The following PRRC2B variants were observed in gnomAD, a reference collection of about 807,000 sequenced individuals.
PRRC2B encodes protein PRRC2B.
PRRC2B carries 68 observed loss-of-function variants against 242.3 expected under a neutral mutation model. That is an observed-to-expected ratio of 0.28 (90% CI 0.23 to 0.34). The LOEUF (loss-of-function observed/expected upper bound fraction) is 0.34, where lower values mean the gene tolerates loss of function less well. Among genes scored for constraint, PRRC2B ranks in the 10% least tolerant of loss-of-function variants. The pLI is 1.00. For synonymous variants in PRRC2B, 1,228 were observed against 1,173.6 expected (o/e 1.05, Z -0.95); for missense variants, 2,835 against 2,954.8 (o/e 0.96, Z 0.94).
Position 131,477,732 on chromosome 9 carries a change from T to C in PRRC2B, c.4407-12T>C, listed in dbSNP as rs1305853873. The C allele has an allele frequency of 3.8e-6, 6 of 1,563,374 alleles. No individual in the cohort carries two copies. In the African/African-American group the frequency reaches 5.4e-5, roughly 14 times the overall value. ...CCCAGCTCTGGTTAACAAGATCCTC[T>C]TTCCCTTACAGATCCCCAGACGAGG... On this transcript the variant is annotated splice_polypyrimidine_tract_variant and intron_variant, in intron 16 of 31. Transcript: ENST00000683519.
At chr9:131,465,657 G>A (rs1212399327) in intron 12 of PRRC2B, among the ~76,000 whole-genome samples, 2 of 152,144 alleles carry the variant, frequency 1.3e-5, no homozygotes, top group Non-Finnish European at 2.9e-5. Flanking sequence ...CTTTAACATG[G>A]AATAAAAATA....
intron 1 of PRRC2B, among the ~76,000 whole-genome samples, chr9:131,420,493 C>CTTTCTTTCTTTCTTTCTTTCTTTTTTTTT: frequency 3.3e-5 from 1 of 30,164 alleles, no homozygotes; most frequent in African/African-American, 1.1e-4. Context: ...TTCTTTCTTT[C>CTTTCTTTCTTTCTTTCTTTCTTTTTTTTT]TTTTTTTTTT....
At chr9:131,375,160 T>C (rs1364390500) in intron 1 of PRRC2B, among the ~76,000 whole-genome samples, 1 of 152,092 alleles carries the variant, frequency 6.6e-6, no homozygotes. Flanking sequence ...CCCAGCACTT[T>C]GGGAGGCCGA....
chr9:131,475,015 T>G lies in PRRC2B; in HGVS notation c.2886T>G (p.Ile962Met). Reference sequence around the variant, plus strand: ...ACAAGGAGAAGGAGCTTGAGAAGATTAAGCAGGAGCTAGGGGAGGAGAGTA... The same window carrying G: ...ACAAGGAGAAGGAGCTTGAGAAGATGAAGCAGGAGCTAGGGGAGGAGAGTA... ...VEDKEKELEK[I>M]KQELGEESTR... Residue 962 changes from isoleucine to methionine, a missense_variant, in exon 16 of 32, where the codon ATT (isoleucine) becomes ATG (methionine). Transcript: ENST00000683519. The G allele has an allele frequency of 6.2e-7, 1 of 1,605,202 alleles. No homozygotes were observed. The highest frequency in any genetic ancestry group is 8.5e-7 in the Non-Finnish European group (1 of 1,175,912).
At chr9:131,444,416 A>C in intron 6 of PRRC2B, 88 bp downstream of exon 6, 3 of 1,424,336 alleles carry the variant, frequency 2.1e-6, no homozygotes, top group East Asian at 2.5e-5. Flanking sequence ...TGCTGATGCC[A>C]CTGGGGTCTC....
chr9:131,484,942 C>T lies in PRRC2B; in HGVS notation c.5566-6C>T. On this transcript the variant is annotated splice_region_variant and splice_polypyrimidine_tract_variant and intron_variant, in intron 24 of 31. Transcript: ENST00000683519. Reference sequence around the variant, plus strand: ...TTCATCCCTCCCCCTCCCCTTGCTTCTGAAGATGGAGTCTGCGCGCAAGGC... The same window carrying T: ...TTCATCCCTCCCCCTCCCCTTGCTTTTGAAGATGGAGTCTGCGCGCAAGGC... 2.5e-6 allele frequency: 4 copies of T among 1,602,894 alleles called. No individual in the cohort carries two copies. The highest frequency in any genetic ancestry group is 3.4e-6 in the Non-Finnish European group (4 of 1,171,114).
chr9:131,494,325 C>A lies in PRRC2B; in HGVS notation c.6474-80C>A. On this transcript the variant is annotated intron_variant, in intron 30 of 31. Coordinates refer to ENST00000683519, the MANE Select transcript of PRRC2B (RefSeq NM_013318.4). The surrounding 1 kb of genome is among the most constrained non-coding windows in gnomAD (Gnocchi z 4.3). ...GCCGCAGGCCCTTCCTTCCTTGTGCCTCCTCCATGTGCTAGGCTTTGACTC... is the reference window on the plus strand; with the variant it reads ...GCCGCAGGCCCTTCCTTCCTTGTGCATCCTCCATGTGCTAGGCTTTGACTC... 1 of 751,468 alleles carries A rather than the reference C, an allele frequency of 1.3e-6. No homozygotes were observed. The highest frequency in any genetic ancestry group is 1.7e-5 in the South Asian group (1 of 59,798). 46.6% of individuals were successfully genotyped at this position (751,468 alleles called of 1,614,324 possible).
intron 5 of PRRC2B, among the ~76,000 whole-genome samples, chr9:131,442,210 A>G (rs528617441): frequency 2.5e-3 from 380 of 151,340 alleles, no homozygotes; most frequent in African/African-American, 8.6e-3. Context: ...TTGGCTCACT[A>G]TAGCTTCAGT....
rs1327286881 is a variant in PRRC2B, at chr9:131,467,738, G to C, written c.1896G>C (p.Gln632His). The change falls in exon 13 of 32, where the codon CAG (glutamine) becomes CAC (histidine). Residue 632 changes from glutamine (Q) to histidine (H), a missense_variant. Physicochemically the swap from Gln to His is conservative, Grantham distance 24. Transcript: ENST00000683519. ...KSLPPRFQRQ[Q>H]QQQQQEQLYK... ...TTCCTCCCCGATTCCAGCGCCAGCA[G>C]CAGCAACAACAGCAGGTAAACAGAT... The C allele has an allele frequency of 2.5e-6, 4 of 1,613,844 alleles. No individual in the cohort carries two copies. In the African/African-American group the frequency reaches 4.0e-5, roughly 16 times the overall value.
At chr9:131,425,568 A>G (rs1837955201) in intron 1 of PRRC2B, among the ~76,000 whole-genome samples, 1 of 151,720 alleles carries the variant, frequency 6.6e-6, no homozygotes, top group African/African-American at 2.4e-5. Flanking sequence ...AGCTCACTGC[A>G]AGCTCCCCTT....
At chr9:131,456,613 G>A (rs1943088115) in intron 10 of PRRC2B, among the ~76,000 whole-genome samples, 1 of 151,710 alleles carries the variant, frequency 6.6e-6, no homozygotes, top group Non-Finnish European at 1.5e-5. Context: ...ACTCCAGCCC[G>A]GGCAACAGAG....
rs1943683045 is a variant in PRRC2B at position 131,475,974 on chromosome 9, T to C, written c.3845T>C (p.Phe1282Ser). ...EDSRAEDKRS[F>S]FQDEHVADSE... The stretch of plus-strand genomic sequence containing the variant: ...AGCCGCGCGGAGGACAAGAGATCCT[T>C]CTTCCAAGATGAACACGTGGCAGAT... Residue 1282 changes from phenylalanine to serine, a missense_variant, in exon 16 of 32, where the codon TTC becomes TCC. Phe to Ser is a radical substitution (Grantham distance 155, BLOSUM62 -2). Around this residue, in one of 7 missense-constraint regions of PRRC2B, gnomAD observed 1,536 missense variants for 1,483.1 expected, o/e 1.04. Transcript: ENST00000683519. 6 of 1,610,820 alleles carry C rather than the reference T, an allele frequency of 3.7e-6. No individual in the cohort carries two copies. In the South Asian group the frequency reaches 6.6e-5, roughly 18 times the overall value.
chr9:131,387,179 T>C (rs1481609273), intron 1 of PRRC2B, among the ~76,000 whole-genome samples: 1 of 150,304 alleles, frequency 6.7e-6, no homozygotes, highest in East Asian at 2.0e-4. Context: ...TTTTGTATTT[T>C]TAGTAGAGAC....
rs1415920920 is a variant in PRRC2B, at chr9:131,467,626, C to T, written c.1784C>T (p.Ser595Phe). 11 of 1,613,616 alleles carry T rather than the reference C, an allele frequency of 6.8e-6. No individual in the cohort carries two copies. The highest frequency in any genetic ancestry group is 1.3e-5 in the African/African-American group (1 of 74,902). The change falls in exon 13 of 32, where the codon TCC becomes TTC. Residue 595 changes from serine to phenylalanine, a missense_variant. Transcript: ENST00000683519. Reference protein sequence around the residue: ...TTFPEEAPTVSPAVAQSNSSE... With the variant: ...TTFPEEAPTVFPAVAQSNSSE... ...TTCCCAGAAGAGGCACCCACAGTGT[C>T]CCCAGCAGTGGCACAGAGCAACAGC...
At chr9:131,488,214 C>T in intron 28 of PRRC2B, 118 bp downstream of exon 28, 1 of 1,377,090 alleles carries the variant, frequency 7.3e-7, no homozygotes, top group Non-Finnish European at 9.6e-7. Context: ...TTGGTAGCCA[C>T]CGTGCCCATT....
rs1423083426 is a variant in PRRC2B at position 131,482,661 on chromosome 9, T to A, written c.5176-49T>A. On this transcript the variant is annotated intron_variant, in intron 21 of 31. Coordinates refer to ENST00000683519, the MANE Select transcript of PRRC2B (RefSeq NM_013318.4). The surrounding 1 kb of genome is among the most constrained non-coding windows in gnomAD (Gnocchi z 5.2). ...TCCTGGGACAGTAGAAGCTAGAGAG[T>A]GTGGTCATTCCAGTCTGTGTGTCTC... 1 of 1,519,300 alleles carries A rather than the reference T, an allele frequency of 6.6e-7. No homozygotes were observed. Among genetic ancestry groups the A allele is most frequent in the East Asian group, 2.3e-5 (1 of 43,356 alleles). The allele number at this position is 1,519,300 out of a possible 1,614,324, so 94.1% of individuals were successfully genotyped here.
chr9:131,487,836 C>A lies in PRRC2B; in HGVS notation c.5985-20C>A. On this transcript the variant is annotated intron_variant, in intron 27 of 31. Transcript: ENST00000683519. This position sits in a 1 kb window ranked among gnomAD's most constrained non-coding sequence, Gnocchi z 5.3. ...CTGGACTCATCCACCTGATCCCGAC[C>A]ATCTGTCTGGCTTTTGCAGATCTCA... 2 of 1,597,092 alleles carry A rather than the reference C, an allele frequency of 1.3e-6. No homozygotes were observed. Among genetic ancestry groups the A allele is most frequent in the Non-Finnish European group, 1.7e-6 (2 of 1,166,730 alleles).
chr9:131,435,991 T>A (rs1227415623), intron 3 of PRRC2B, among the ~76,000 whole-genome samples: 2 of 152,254 alleles, frequency 1.3e-5, no homozygotes, highest in Admixed American at 6.5e-5. Context: ...AAGTTTATTT[T>A]TACTATGAGC....
intron 28 of PRRC2B, among the ~76,000 whole-genome samples, chr9:131,489,123 C>T (rs915430680): frequency 6.6e-6 from 1 of 152,076 alleles, no homozygotes; most frequent in Non-Finnish European, 1.5e-5. Flanking sequence ...CTCAGTGTCC[C>T]TCTCAGTTGT....
Sources: gnomAD v4.1 joint callset for allele counts (sites outside exome capture counted in the v4.1 genomes callset) on GRCh38, gnomAD v4.1.1 for gene constraint, gnomAD v4.1.1 regional missense constraint, Gnocchi (gnomAD v3.1) non-coding constraint, MANE v1.5 for transcripts, NCBI Gene and HGNC (gene_info 2026-07-23, HGNC 2026-07-21) for gene names.